The following CADPS2 variants were observed in gnomAD, a reference collection of about 807,000 sequenced individuals.
CADPS2 encodes the protein calcium-dependent secretion activator 2.
A neutral mutation model predicts 172.5 loss-of-function variants in CADPS2; 93 were observed. That is an observed-to-expected ratio of 0.54 (90% confidence interval 0.46 to 0.64). The LOEUF is 0.64. Among genes scored for constraint, CADPS2 ranks in the 30% least tolerant of loss-of-function variants. The pLI is 0.00. For synonymous variants in CADPS2, 546 were observed against 555.2 expected, an observed-to-expected ratio of 0.98 and a Z score of 0.23; for missense variants, 1,420 against 1,565.9, an observed-to-expected ratio of 0.91 and a Z score of 1.57.
chr7:122,677,446 A>T lies in CADPS2; in HGVS notation c.454-13877T>A, dbSNP rs111649798. On this transcript the variant is annotated intron_variant, in intron 2 of 29. Coordinates refer to ENST00000449022, the MANE Select transcript of CADPS2 (RefSeq NM_017954.11). ...ACAGTGGAATGGGAGGTGCCTGAGG[A>T]GGACGGGTGGGCTTTGTCAGGCCTG... 6.3e-3 allele frequency among the ~76,000 whole-genome samples: 959 copies of T among 152,318 alleles called. 39 individuals carry two copies. The East Asian group carries it at 0.12, about 18-fold the overall frequency.
intron 1 of CADPS2, among the ~76,000 whole-genome samples, chr7:122,851,556 T>C (rs1043494352): frequency 1.3e-5 from 2 of 152,184 alleles, no homozygotes; most frequent in East Asian, 1.9e-4. Flanking sequence ...CTCATGCTGC[T>C]AATAAAGACA....
At chr7:122,670,737 G>GCC (rs2081742647) in intron 2 of CADPS2, among the ~76,000 whole-genome samples, 1 of 151,736 alleles carries the variant, frequency 6.6e-6, no homozygotes, top group East Asian at 2.0e-4. Flanking sequence ...CTGACCTCAA[G>GCC]TGATCCACCT....
chr7:122,356,155 C>A (rs2039374606), intron 27 of CADPS2, among the ~76,000 whole-genome samples: 1 of 152,136 alleles, frequency 6.6e-6, no homozygotes, highest in South Asian at 2.1e-4. Context: ...TGATATCATT[C>A]AGGATACCAC....
intron 1 of CADPS2, among the ~76,000 whole-genome samples, chr7:122,809,561 T>C (rs34381122): frequency 0.2 from 28,375 of 144,710 alleles, 2,795 homozygotes; most frequent in Middle Eastern, 0.28. Flanking sequence ...GCCTGGGCAA[T>C]AGAGAGAGAC....
chr7:122,695,924 A>C (rs912641192), intron 2 of CADPS2, among the ~76,000 whole-genome samples: 1 of 152,172 alleles, frequency 6.6e-6, no homozygotes, highest in Non-Finnish European at 1.5e-5. Context: ...AATAGCAAAC[A>C]AATTCCTGAA....
At chr7:122,564,253 G>A (rs2066117458) in intron 7 of CADPS2, among the ~76,000 whole-genome samples, 1 of 152,060 alleles carries the variant, frequency 6.6e-6, no homozygotes, top group East Asian at 1.9e-4. Flanking sequence ...ACTGTTGGTG[G>A]GAATGTAAAT....
chr7:122,649,063 C>T, intron 3 of CADPS2, among the ~76,000 whole-genome samples: 1 of 151,624 alleles, frequency 6.6e-6, no homozygotes, highest in Admixed American at 6.6e-5. Flanking sequence ...TGCTTATACC[C>T]CAACAGTGTT....
At chr7:122,392,401 T>A (rs12674064) in intron 22 of CADPS2, among the ~76,000 whole-genome samples, 52,173 of 151,458 alleles carry the variant, frequency 0.34, 9,018 homozygotes, top group East Asian at 0.41. Flanking sequence ...TTTTTTTTTT[T>A]AAATCATCAC....
At chr7:122,645,331 A>G (rs1257502281) in intron 3 of CADPS2, among the ~76,000 whole-genome samples, 1 of 91,494 alleles carries the variant, frequency 1.1e-5, no homozygotes, top group Non-Finnish European at 3.0e-5. Flanking sequence ...ATGTACATAT[A>G]TACACACATG....
intron 24 of CADPS2, among the ~76,000 whole-genome samples, chr7:122,384,562 T>G (rs759122434): frequency 6.6e-6 from 1 of 152,132 alleles, no homozygotes; most frequent in Non-Finnish European, 1.5e-5. Context: ...TATGCAATTA[T>G]GTGGGTATGT....
At chr7:122,669,343 A>G (rs1156669558) in intron 2 of CADPS2, among the ~76,000 whole-genome samples, 5 of 80,388 alleles carry the variant, frequency 6.2e-5, no homozygotes, top group African/African-American at 2.7e-4. Context: ...GAAAAAATAT[A>G]TATATATATA....
At chr7:122,480,977 AGTT>A (rs2057218707) in intron 11 of CADPS2, 117 bp from the exon 12 acceptor site, 2 of 927,128 alleles carry the variant, frequency 2.2e-6, no homozygotes, top group Non-Finnish European at 3.0e-6. Context: ...TGATTTTAAA[AGTT>A]GTTTTTCTAA....
chr7:122,357,383 A>G (rs577321907), intron 27 of CADPS2: 2 of 152,284 alleles, frequency 1.3e-5, no homozygotes, highest in Admixed American at 1.3e-4. Flanking sequence ...AGTTACTCAG[A>G]TCAGCACTTT....
At chr7:122,422,792 T>TAAA (rs35816048) in intron 17 of CADPS2, among the ~76,000 whole-genome samples, 1 of 132,914 alleles carries the variant, frequency 7.5e-6, no homozygotes, top group South Asian at 2.5e-4. Flanking sequence ...CCGTCTCTAT[T>TAAA]AAAAAAAAAA....
chr7:122,385,857 G>T (rs1486788485), intron 24 of CADPS2, among the ~76,000 whole-genome samples: 1 of 151,928 alleles, frequency 6.6e-6, no homozygotes, highest in African/African-American at 2.4e-5. Context: ...GTTTTTAGGG[G>T]CTATATGTCA....
chr7:122,414,451 ACT>A (rs939242206), intron 18 of CADPS2, among the ~76,000 whole-genome samples: 27 of 152,280 alleles, frequency 1.8e-4, no homozygotes, highest in African/African-American at 6.0e-4. Context: ...AAATCCTAAC[ACT>A]CTGACAATAA....
chr7:122,868,495 A>T (rs1213659564), intron 1 of CADPS2, among the ~76,000 whole-genome samples: 2 of 152,124 alleles, frequency 1.3e-5, no homozygotes, highest in African/African-American at 4.8e-5. Flanking sequence ...ATGACTTGAC[A>T]CTCTAATTTC....
chr7:122,384,737 C>T (rs1258873988), intron 24 of CADPS2, among the ~76,000 whole-genome samples: 1 of 152,028 alleles, frequency 6.6e-6, no homozygotes, highest in African/African-American at 2.4e-5. Flanking sequence ...TACAGGTGCA[C>T]ACATAATGAA....
At chr7:122,681,597 C>T (rs931566391) in intron 2 of CADPS2, 6 of 1,492,020 alleles carry the variant, frequency 4.0e-6, no homozygotes, top group South Asian at 2.3e-5. Context: ...CCGCAAGGAC[C>T]GAACACCCCC....
Sources: gnomAD v4.1 joint callset for allele counts (sites outside exome capture counted in the v4.1 genomes callset) on GRCh38, gnomAD v4.1.1 for gene constraint, MANE v1.5 for transcripts, NCBI Gene and HGNC (gene_info 2026-07-23, HGNC 2026-07-21) for gene names.